The following GYPC variants were observed in gnomAD, a reference collection of about 807,000 sequenced individuals.
The protein encoded by GYPC is glycophorin-C.
A neutral mutation model predicts 12.6 loss-of-function variants in GYPC; 14 were observed. The ratio of observed to expected loss-of-function variants is 1.11; its 90% CI spans 0.74 to 1.74. The LOEUF (loss-of-function observed/expected upper bound fraction) is 1.74, where lower values mean the gene tolerates loss of function less well. Ranked by LOEUF, GYPC falls within the 40% of genes most tolerant of loss-of-function variation. The probability of loss-of-function intolerance (pLI) is 0.00; values close to 1 mark genes in which losing one functional copy is unlikely to be tolerated. For missense variants in GYPC, 225 were observed against 172.1 expected (o/e 1.31, Z -1.72); for synonymous variants, 78 against 62.1 (o/e 1.26, Z -1.20).
chr2:126,663,149 T>G (rs565872761), intron 1 of GYPC, among the ~76,000 whole-genome samples: 78 of 152,362 alleles, frequency 5.1e-4, no homozygotes, highest in African/African-American at 1.8e-3. Context: ...GCAATTCTCC[T>G]GCCTCAGCCT....
At position 126,690,328 on chromosome 2, in the gene GYPC, G is replaced by T; in HGVS notation, c.106+17G>T. The stretch of plus-strand genomic sequence containing the variant: ...CCATTGCAGGTGAGTTCTCATCACA[G>T]AGCCTCACCATAATGGAAACTGCCG... On this transcript the variant is annotated intron_variant, in intron 2 of 3. Coordinates refer to ENST00000259254, the MANE Select transcript of GYPC (RefSeq NM_002101.5). 6.3e-6 allele frequency: 10 copies of T among 1,581,212 alleles called. No homozygotes were observed. The highest frequency in any genetic ancestry group is 7.8e-6 in the Non-Finnish European group (9 of 1,149,962).
At chr2:126,677,853 T>G (rs1683049626) in intron 1 of GYPC, among the ~76,000 whole-genome samples, 1 of 152,198 alleles carries the variant, frequency 6.6e-6, no homozygotes, top group African/African-American at 2.4e-5. Context: ...AGATGCTTTT[T>G]GGAAAGAGCC....
At position 126,664,951 on chromosome 2, in the gene GYPC, T is replaced by TTCTCTC. The variant is rs143811361; in HGVS notation, c.49+8661_49+8666dup. Reference sequence around the variant, plus strand: ...TCAGGTCATGCACTACTTGCTGTCTTTCTCTCTCTCTCTCTCTCTCTCTCT... The same window carrying TTCTCTC: ...TCAGGTCATGCACTACTTGCTGTCTTTCTCTCTCTCTCTCTCTCTCTCTCTCTCTCT... On this transcript the variant is annotated intron_variant, in intron 1 of 3. Transcript: ENST00000259254. Among the ~76,000 whole-genome samples, 819 of 148,746 alleles carry TTCTCTC rather than the reference T, an allele frequency of 5.5e-3. 1 individual carries two copies. Among genetic ancestry groups the TTCTCTC allele is most frequent in the South Asian group, 7.8e-3 (36 of 4,612 alleles).
intron 1 of GYPC, among the ~76,000 whole-genome samples, chr2:126,667,206 C>T (rs1682708122): frequency 6.6e-6 from 1 of 152,144 alleles, no homozygotes; most frequent in Non-Finnish European, 1.5e-5. Context: ...TTCAGCAAGG[C>T]TGTTTTGCTT....
chr2:126,690,285 C>T lies in GYPC; in HGVS notation c.80C>T (p.Thr27Ile), dbSNP rs776682317. The change falls in exon 2 of 4, where the codon ACC becomes ATC. Residue 27 changes from threonine (T) to isoleucine (I), a missense_variant. Thr to Ile is a moderately conservative substitution (Grantham distance 89). Transcript: ENST00000259254. ...GATCCGGGGATGGCCTCTGCCTCCA[C>T]CACAATGCATACTACCACCATTGCA... is the stretch of plus-strand genomic sequence containing the variant. Reference protein sequence around the residue: ...EPDPGMASASTTMHTTTIAEP... With the variant: ...EPDPGMASASITMHTTTIAEP... 13 of 1,612,852 alleles carry T rather than the reference C, an allele frequency of 8.1e-6. No individual in the cohort carries two copies. The highest frequency in any genetic ancestry group is 1.7e-4 in the Middle Eastern group (1 of 6,048).
intron 1 of GYPC, among the ~76,000 whole-genome samples, chr2:126,672,977 C>G (rs1682892355): frequency 6.6e-6 from 1 of 152,110 alleles, no homozygotes; most frequent in Non-Finnish European, 1.5e-5. Flanking sequence ...TATCCTCACC[C>G]ATGTCAGAGG....
At chr2:126,687,473 C>T (rs538116440) in intron 1 of GYPC, among the ~76,000 whole-genome samples, 2 of 152,164 alleles carry the variant, frequency 1.3e-5, no homozygotes, top group African/African-American at 2.4e-5. Flanking sequence ...TCACAGCATC[C>T]ACACCTTCCC....
chr2:126,656,399 G>A, intron 1 of GYPC, 87 bp downstream of exon 1: 6 of 1,191,238 alleles, frequency 5.0e-6, no homozygotes, highest in Non-Finnish European at 7.2e-6. Context: ...GGCCACGGAC[G>A]CCCTGGTGTC....
At chr2:126,685,077 C>G (rs796710545) in intron 1 of GYPC, among the ~76,000 whole-genome samples, 28 of 152,340 alleles carry the variant, frequency 1.8e-4, no homozygotes, top group African/African-American at 6.7e-4. Flanking sequence ...ACCCTACAGC[C>G]TGTACACTGC....
At position 126,656,179 on chromosome 2, in the gene GYPC, GAGCCCGGGA is replaced by G; in HGVS notation, c.-84_-76del. 1 of 1,524,930 alleles carries G rather than the reference GAGCCCGGGA, an allele frequency of 6.6e-7. No individual in the cohort carries two copies. Among genetic ancestry groups the G allele is most frequent in the Non-Finnish European group, 8.8e-7 (1 of 1,134,766 alleles). The allele number at this position is 1,524,930 out of a possible 1,614,324, so 94.5% of individuals were successfully genotyped here. On this transcript the variant is annotated 5_prime_UTR_variant, in exon 1 of 4. Transcript: ENST00000259254. ...GCTTCCTCTCGCCGCCGAGGGTCAG[GAGCCCGGGA>G]GCGCGACCCTCCCCCGGCCCGGCCT...
At chr2:126,662,112 C>T (rs1305079438) in intron 1 of GYPC, among the ~76,000 whole-genome samples, 1 of 152,206 alleles carries the variant, frequency 6.6e-6, no homozygotes, top group African/African-American at 2.4e-5. Flanking sequence ...CCTCCTTGAA[C>T]TCTGGCATGG....
In GYPC at chr2:126,686,647, T is replaced by C. The variant is rs976081757; in HGVS notation, c.50-3608T>C. The stretch of plus-strand genomic sequence containing the variant: ...TGAACGTGTGGAGCTTCCTGTCTGG[T>C]AGGGTGTTGCAGGGGGCCGGGGGGA... On this transcript the variant is annotated intron_variant, in intron 1 of 3. Coordinates refer to ENST00000259254, the MANE Select transcript of GYPC (RefSeq NM_002101.5). 34 of 984,514 alleles carry C rather than the reference T, an allele frequency of 3.5e-5. No homozygotes were observed. In the African/African-American group the frequency reaches 4.9e-4, roughly 14 times the overall value. The allele number at this position is 984,514 out of a possible 1,614,324, so 61.0% of individuals were successfully genotyped here. A position where few individuals can be genotyped will look rare whatever the true frequency, so the allele number is the denominator to read the frequency against.
At chr2:126,693,387 C>G (rs1396887731) in intron 2 of GYPC, among the ~76,000 whole-genome samples, 8 of 152,274 alleles carry the variant, frequency 5.3e-5, no homozygotes, top group Admixed American at 4.6e-4. Context: ...TTGGACTTCC[C>G]AGCCACTAGA....
intron 1 of GYPC, among the ~76,000 whole-genome samples, chr2:126,675,209 T>G (rs536054348): frequency 1.3e-5 from 2 of 152,318 alleles, no homozygotes; most frequent in Non-Finnish European, 2.9e-5. Flanking sequence ...CCAGATTCCC[T>G]TCCCATCCTT....
At chr2:126,661,126 C>T (rs1347716077) in intron 1 of GYPC, among the ~76,000 whole-genome samples, 2 of 152,192 alleles carry the variant, frequency 1.3e-5, no homozygotes, top group Non-Finnish European at 2.9e-5. Flanking sequence ...AGAGCCAGGC[C>T]GGCGACACTG....
intron 1 of GYPC, among the ~76,000 whole-genome samples, chr2:126,673,931 C>A (rs908189219): frequency 7.9e-5 from 12 of 152,116 alleles, no homozygotes; most frequent in Admixed American, 1.3e-4. Flanking sequence ...GGACCCTATG[C>A]GACCTGAGGG....
intron 1 of GYPC, among the ~76,000 whole-genome samples, chr2:126,666,000 C>A (rs919178622): frequency 6.6e-6 from 1 of 152,292 alleles, no homozygotes; most frequent in East Asian, 1.9e-4. Context: ...CTGCTCAGAT[C>A]GTTACAGCCC....
chr2:126,663,852 C>T (rs1682606832), intron 1 of GYPC, among the ~76,000 whole-genome samples: 2 of 152,198 alleles, frequency 1.3e-5, no homozygotes, highest in African/African-American at 2.4e-5. Context: ...GGCCCTCATG[C>T]GCTCTACCTT....
intron 1 of GYPC, among the ~76,000 whole-genome samples, chr2:126,689,124 G>A (rs1321999655): frequency 2.6e-5 from 4 of 152,152 alleles, no homozygotes; most frequent in African/African-American, 9.7e-5. Flanking sequence ...CTTGGATAAT[G>A]TCATAGAGTG....
Sources: allele counts gnomAD v4.1 joint callset (sites outside exome capture counted in the v4.1 genomes callset), GRCh38; gene constraint gnomAD v4.1.1; transcripts MANE v1.5; gene names NCBI Gene and HGNC (gene_info 2026-07-23, HGNC 2026-07-21).